UTRN: variants seen among roughly 807,000 people sequenced by gnomAD.
UTRN encodes dystrophin-related protein 1.
A neutral mutation model predicts 463.9 loss-of-function variants in UTRN; 283 were observed. That is an observed-to-expected ratio of 0.61 (90% CI 0.55 to 0.67). The LOEUF (loss-of-function observed/expected upper bound fraction) is 0.67. UTRN is among the 30% of genes least tolerant of loss of function. UTRN has a pLI of 0.00. For synonymous variants in UTRN, 1,442 were observed against 1,431.5 expected (o/e 1.01, Z -0.17); for missense variants, 3,922 against 4,084.3 (o/e 0.96, Z 1.08).
intron 65 of UTRN, among the ~76,000 whole-genome samples, chr6:144,818,404 GGCACAC>G (rs1339604923): frequency 6.6e-6 from 1 of 152,122 alleles, no homozygotes; most frequent in Non-Finnish European, 1.5e-5. Flanking sequence ...CCCTTTCTGA[GGCACAC>G]TGGGTAAGGG....
At chr6:144,697,296 G>A (rs183556911) in intron 52 of UTRN, among the ~76,000 whole-genome samples, 10 of 152,222 alleles carry the variant, frequency 6.6e-5, no homozygotes, top group Admixed American at 6.5e-4. Flanking sequence ...ATAAAGAAAT[G>A]TTTTATGTGA....
chr6:144,634,185 C>G (rs1456271586), intron 51 of UTRN, among the ~76,000 whole-genome samples: 1 of 152,206 alleles, frequency 6.6e-6, no homozygotes, highest in East Asian at 1.9e-4. Flanking sequence ...ATCAAGAATT[C>G]AGGATTTTAG....
chr6:144,796,214 G>T (rs1177273953), intron 63 of UTRN, among the ~76,000 whole-genome samples: 1 of 152,144 alleles, frequency 6.6e-6, no homozygotes, highest in Admixed American at 6.5e-5. Flanking sequence ...TCAAAGATCA[G>T]ATGGTTGTAG....
intron 65 of UTRN, among the ~76,000 whole-genome samples, chr6:144,819,570 G>C (rs768031800): frequency 1.2e-4 from 18 of 152,090 alleles, no homozygotes; most frequent in Non-Finnish European, 2.5e-4. Flanking sequence ...GTGCGCACCT[G>C]TAGTCCCAGC....
chr6:144,613,256 A>C (rs1007708089), intron 51 of UTRN, among the ~76,000 whole-genome samples: 1 of 152,032 alleles, frequency 6.6e-6, no homozygotes, highest in African/African-American at 2.4e-5. Context: ...AAGGCTACAA[A>C]GTTTCAGATA....
chr6:144,596,138 G>C (rs1803618948), intron 51 of UTRN, among the ~76,000 whole-genome samples: 1 of 152,236 alleles, frequency 6.6e-6, no homozygotes, highest in African/African-American at 2.4e-5. Context: ...AGTTGCATGT[G>C]GTTGAGAATC....
At position 144,608,255 on chromosome 6, in the gene UTRN, G is replaced by A. The variant is rs148159196; in HGVS notation, c.7479+30967G>A. On this transcript the variant is annotated intron_variant, in intron 51 of 74. Transcript: ENST00000367545. ...GAAAAGGGAATCCTACTAGCAGATG[G>A]CCTTTGGACTTGAAGAGCAGCTCTT... Among the ~76,000 whole-genome samples, 148 of 152,226 alleles carry A rather than the reference G, an allele frequency of 9.7e-4. 2 individuals are homozygous for A. The East Asian group carries it at 0.022, about 23-fold the overall frequency.
At chr6:144,476,759 A>G (rs1433504366) in intron 25 of UTRN, among the ~76,000 whole-genome samples, 1 of 152,200 alleles carries the variant, frequency 6.6e-6, no homozygotes, top group African/African-American at 2.4e-5. Flanking sequence ...GGAGGCATTT[A>G]ATAACCTTGA....
chr6:144,836,154 AT>A, intron 70 of UTRN, 146 bp from the exon 71 acceptor site: 1 of 1,451,722 alleles, frequency 6.9e-7, no homozygotes, highest in South Asian at 1.3e-5. Context: ...TAAAACTACA[AT>A]TTTATTCCTG....
chr6:144,741,179 T>G (rs771216878), intron 54 of UTRN, among the ~76,000 whole-genome samples: 5 of 152,200 alleles, frequency 3.3e-5, no homozygotes, highest in Non-Finnish European at 7.3e-5. Context: ...AACTCATCAC[T>G]TATTTTGGCA....
chr6:144,708,217 T>G lies in UTRN; in HGVS notation c.7809+7974T>G, dbSNP rs1014443555. The G allele has an allele frequency of 9.9e-6, 6 of 606,468 alleles. No individual in the cohort carries two copies. The African/African-American group carries it at 1.1e-4, about 11-fold the overall frequency. The allele number at this position is 606,468 out of a possible 1,614,324, so 37.6% of individuals were successfully genotyped here. On this transcript the variant is annotated intron_variant, in intron 53 of 74. Transcript: ENST00000367545. Reference sequence around the variant, plus strand: ...TTTTTGAATTGCTTGAAGAGAATCTTGTAAATTTGTAGTCCAGAGGTAATT... The same window carrying G: ...TTTTTGAATTGCTTGAAGAGAATCTGGTAAATTTGTAGTCCAGAGGTAATT...
chr6:144,293,327 C>T (rs757707247), intron 2 of UTRN, among the ~76,000 whole-genome samples: 1 of 152,064 alleles, frequency 6.6e-6, no homozygotes, highest in Non-Finnish European at 1.5e-5. Context: ...ATATTTATAA[C>T]TTGTACTTTA....
chr6:144,488,078 A>G (rs1792655327), intron 29 of UTRN, among the ~76,000 whole-genome samples: 1 of 152,230 alleles, frequency 6.6e-6, no homozygotes, highest in Admixed American at 6.5e-5. Flanking sequence ...AGGTTGTAAC[A>G]TACATATTCG....
At chr6:144,301,981 T>C (rs974980540) in intron 2 of UTRN, among the ~76,000 whole-genome samples, 3 of 152,192 alleles carry the variant, frequency 2.0e-5, no homozygotes, top group African/African-American at 7.2e-5. Flanking sequence ...GGCTTGATTG[T>C]TCTCCTTCTC....
chr6:144,372,421 G>A (rs980992732), intron 2 of UTRN, among the ~76,000 whole-genome samples: 2 of 152,192 alleles, frequency 1.3e-5, no homozygotes, highest in Non-Finnish European at 2.9e-5. Flanking sequence ...TCCAGAGGAT[G>A]GGAGAAAATA....
Position 144,785,504 on chromosome 6 carries a change from T to C in UTRN, c.8834+3381T>C, listed in dbSNP as rs563664378. ...TCTTTTGATAATCATTTGATTATTC[T>C]TACTATATTTCTATATCTAGGAAAC... On this transcript the variant is annotated intron_variant, in intron 61 of 74. Transcript: ENST00000367545. 5.9e-5 allele frequency among the ~76,000 whole-genome samples: 9 copies of C among 152,390 alleles called. 1 individual carries two copies. In the East Asian group the frequency reaches 1.7e-3, roughly 29 times the overall value.
At chr6:144,771,134 C>T (rs916618811) in intron 58 of UTRN, among the ~76,000 whole-genome samples, 11 of 152,126 alleles carry the variant, frequency 7.2e-5, no homozygotes, top group Non-Finnish European at 1.5e-5. Context: ...ATTGATCTGG[C>T]CACATCAAGC....
chr6:144,693,319 G>T (rs568387859), intron 52 of UTRN, among the ~76,000 whole-genome samples: 4 of 152,150 alleles, frequency 2.6e-5, no homozygotes, highest in Non-Finnish European at 4.4e-5. Flanking sequence ...CTGAAGTCAG[G>T]TATCATGATG....
intron 53 of UTRN, 119 bp downstream of exon 53, chr6:144,700,362 C>A: frequency 8.4e-7 from 1 of 1,183,838 alleles, no homozygotes; most frequent in South Asian, 2.2e-5. Flanking sequence ...CCCCCCCCAC[C>A]ACCGTCTGCT....
Sources: gnomAD v4.1 joint callset for allele counts (sites outside exome capture counted in the v4.1 genomes callset) on GRCh38, gnomAD v4.1.1 for gene constraint, MANE v1.5 for transcripts, NCBI Gene and HGNC (gene_info 2026-07-23, HGNC 2026-07-21) for gene names.